Variants in MAP3K7CL observed in about 807,000 individuals in gnomAD.
MAP3K7CL encodes MAP3K7 C-terminal like.
In MAP3K7CL, 16 loss-of-function variants were observed where a neutral mutation model predicts 18.6. The ratio of observed to expected loss-of-function variants is 0.86; its 90% CI spans 0.58 to 1.31. MAP3K7CL has a LOEUF of 1.31. Among genes scored for constraint, MAP3K7CL ranks in the 50% most tolerant of loss-of-function variants. The pLI, the probability that MAP3K7CL is intolerant of heterozygous loss-of-function variation, is 0.00. For missense variants in MAP3K7CL, 163 were observed against 174.4 expected (o/e 0.93, Z 0.37); for synonymous variants, 65 against 66.8 (o/e 0.97, Z 0.13).
intron 4 of MAP3K7CL, among the ~76,000 whole-genome samples, chr21:29,104,769 G>C (rs2086291987): frequency 6.6e-6 from 1 of 152,204 alleles, no homozygotes; most frequent in Non-Finnish European, 1.5e-5. Flanking sequence ...ATGAACCACA[G>C]CGTGTCCTTC....
chr21:29,123,624 C>T (rs58570383), intron 4 of MAP3K7CL, among the ~76,000 whole-genome samples: 2,487 of 152,152 alleles, frequency 0.016, 50 homozygotes, highest in African/African-American at 0.054. Context: ...ATCATGTGTC[C>T]GGACTTTGGA....
chr21:29,175,159 G>A lies in MAP3K7CL; in HGVS notation c.*267G>A. The A allele has an allele frequency of 3.4e-6, 1 of 291,570 alleles. No homozygotes were observed. Among genetic ancestry groups the A allele is most frequent in the Non-Finnish European group, 6.4e-6 (1 of 156,054 alleles). 18.1% of individuals were successfully genotyped at this position (291,570 alleles called of 1,614,324 possible). On this transcript the variant is annotated 3_prime_UTR_variant, in exon 5 of 5. Transcript: ENST00000399928. The stretch of plus-strand genomic sequence containing the variant: ...AGATATATGTTTTTTTCTTTTTTAG[G>A]AAGATATGATCATGCTGTACAACAG...
At chr21:29,081,541 A>G (rs1269770603), upstream of MAP3K7CL, among the ~76,000 whole-genome samples, 1 of 152,158 alleles carries the variant, frequency 6.6e-6, no homozygotes, top group Non-Finnish European at 1.5e-5. Context: ...TGACAGAGCG[A>G]GACTCCGTCT....
At chr21:29,126,266 T>C (rs535580422), upstream of MAP3K7CL, among the ~76,000 whole-genome samples, 4 of 152,294 alleles carry the variant, frequency 2.6e-5, no homozygotes, top group East Asian at 7.7e-4. Context: ...GCTCTCTCTT[T>C]GTAAATAAAG....
chr21:29,102,471 CTCTCTCTT>C (rs1387094469), intron 4 of MAP3K7CL: 5 of 107,334 alleles, frequency 4.7e-5, no homozygotes, highest in Admixed American at 9.9e-5. Flanking sequence ...CTCTCTCTCT[CTCTCTCTT>C]TTTTTTTTTT....
chr21:29,126,878 C>T (rs1044892740), upstream of MAP3K7CL, among the ~76,000 whole-genome samples: 5 of 152,058 alleles, frequency 3.3e-5, no homozygotes, highest in Non-Finnish European at 5.9e-5. Context: ...GACTACCGGC[C>T]GTATATGTCA....
rs777654982 is a variant in MAP3K7CL at position 29,116,423 on chromosome 21, C to G, written c.370+23842C>G. Reference sequence around the variant, plus strand: ...GATGATTTAGATGATCTGAAAGAAGCCTTCTAGCTCTAACATTAGTAACAG... The same window carrying G: ...GATGATTTAGATGATCTGAAAGAAGGCTTCTAGCTCTAACATTAGTAACAG... On this transcript the variant is annotated intron_variant, in intron 4 of 6. Transcript: ENST00000286791. Among the ~76,000 whole-genome samples, 20 of 152,158 alleles carry G rather than the reference C, an allele frequency of 1.3e-4. No individual in the cohort carries two copies. The East Asian group carries it at 1.7e-3, about 13-fold the overall frequency.
chr21:29,167,693 ATTT>A (rs35549023), intron 4 of MAP3K7CL, among the ~76,000 whole-genome samples: 34,304 of 107,294 alleles, frequency 0.32, 4,904 homozygotes, highest in East Asian at 0.57. Flanking sequence ...AGAAGGACCA[ATTT>A]TTTTTTTTTT....
intron 4 of MAP3K7CL, among the ~76,000 whole-genome samples, chr21:29,114,000 C>T (rs550040152): frequency 5.3e-5 from 8 of 152,096 alleles, no homozygotes; most frequent in Non-Finnish European, 1.0e-4. Flanking sequence ...TCTGGGGTGC[C>T]TTTTCATTGA....
intron 4 of MAP3K7CL, among the ~76,000 whole-genome samples, chr21:29,099,341 G>A (rs2086180744): frequency 7.2e-6 from 1 of 139,696 alleles, no homozygotes; most frequent in Admixed American, 8.1e-5. Flanking sequence ...CCGGGTTCAA[G>A]CCATTTTCCT....
chr21:29,105,385 G>A (rs867069500), intron 4 of MAP3K7CL, among the ~76,000 whole-genome samples: 1 of 152,140 alleles, frequency 6.6e-6, no homozygotes, highest in Non-Finnish European at 1.5e-5. Flanking sequence ...TGAGCCTCTC[G>A]AGCTCTGAGC....
At chr21:29,119,164 G>C (rs1167975578) in intron 4 of MAP3K7CL, among the ~76,000 whole-genome samples, 1 of 152,172 alleles carries the variant, frequency 6.6e-6, no homozygotes, top group African/African-American at 2.4e-5. Flanking sequence ...TGTAATTTTT[G>C]TTAGATCAAC....
At chr21:29,144,045 T>C (rs185746337) in intron 2 of MAP3K7CL, among the ~76,000 whole-genome samples, 1 of 152,326 alleles carries the variant, frequency 6.6e-6, no homozygotes, top group African/African-American at 2.4e-5. Flanking sequence ...GTTCTCTCTG[T>C]CCTAAAGGGA....
At chr21:29,090,275 G>T in intron 1 of MAP3K7CL, among the ~76,000 whole-genome samples, 1 of 152,184 alleles carries the variant, frequency 6.6e-6, no homozygotes, top group Non-Finnish European at 1.5e-5. Context: ...TTCAATGAAA[G>T]AAGTGAGGAA....
At chr21:29,095,155 A>G (rs909485575) in intron 4 of MAP3K7CL, among the ~76,000 whole-genome samples, 5 of 150,970 alleles carry the variant, frequency 3.3e-5, no homozygotes, top group East Asian at 1.9e-4. Context: ...AAAAAAAAAA[A>G]AGAGATTCTG....
chr21:29,148,463 A>T (rs1018013973), intron 2 of MAP3K7CL, among the ~76,000 whole-genome samples: 2 of 152,186 alleles, frequency 1.3e-5, no homozygotes, highest in Non-Finnish European at 2.9e-5. Context: ...TATTTTGGTC[A>T]GGTTTCCTCA....
chr21:29,096,313 A>G (rs1419857922), intron 4 of MAP3K7CL, among the ~76,000 whole-genome samples: 1 of 152,252 alleles, frequency 6.6e-6, no homozygotes, highest in Non-Finnish European at 1.5e-5. Flanking sequence ...ATATCAGTGA[A>G]TAAGACAGAT....
intron 2 of MAP3K7CL, among the ~76,000 whole-genome samples, chr21:29,147,468 A>G (rs1286205846): frequency 6.6e-6 from 1 of 151,870 alleles, no homozygotes; most frequent in East Asian, 1.9e-4. Flanking sequence ...TGTACTGTAC[A>G]TATCTTATTG....
rs182066341 is a variant in MAP3K7CL at position 29,165,654 on chromosome 21, C to T, written c.248+5598C>T. Among the ~76,000 whole-genome samples, 303 of 152,376 alleles carry T rather than the reference C, an allele frequency of 2.0e-3. 3 individuals are homozygous for T. Among genetic ancestry groups the T allele is most frequent in the Non-Finnish European group, 2.8e-4 (19 of 68,042 alleles). On this transcript the variant is annotated intron_variant, in intron 4 of 4. Transcript: ENST00000399928. ...CAGTGCGATCTTGGCTCACTGCAAC[C>T]TCTGCCTCCCAGGTTCAAGCGATCC...
Sources: gnomAD v4.1 joint callset for allele counts (sites outside exome capture counted in the v4.1 genomes callset) on GRCh38, gnomAD v4.1.1 for gene constraint, MANE v1.5 for transcripts, NCBI Gene and HGNC (gene_info 2026-07-23, HGNC 2026-07-21) for gene names.